Variants in PLCG2 observed in about 807,000 individuals in gnomAD.
PLCG2 encodes the protein 1-phosphatidylinositol 4,5-bisphosphate phosphodiesterase gamma-2.
Under a neutral mutation model 175.6 loss-of-function variants are expected in PLCG2, and 69 were observed. That is an observed-to-expected ratio of 0.39 (90% CI 0.32 to 0.48). The LOEUF is 0.48. PLCG2 is among the 20% of genes least tolerant of loss of function. The pLI, the probability that PLCG2 is intolerant of heterozygous loss-of-function variation, is 0.91. For synonymous variants in PLCG2, 827 were observed against 624.0 expected (o/e 1.33, Z -4.85); for missense variants, 1,798 against 1,650.9 (o/e 1.09, Z -1.54).
intron 2 of PLCG2, among the ~76,000 whole-genome samples, chr16:81,789,101 C>T (rs977876032): frequency 3.3e-5 from 5 of 152,132 alleles, no homozygotes; most frequent in South Asian, 2.1e-4. Flanking sequence ...ATGCTCTTCA[C>T]ATGTATCCCG....
At chr16:81,883,426 A>G (rs533643036) in intron 9 of PLCG2, 85 bp downstream of exon 9, 1 of 1,081,302 alleles carries the variant, frequency 9.2e-7, no homozygotes, top group African/African-American at 1.5e-5. Flanking sequence ...GCCTGTGCTC[A>G]CCTGGTCACC....
chr16:81,859,009 C>T, intron 4 of PLCG2, 107 bp from the exon 5 acceptor site: 1 of 666,138 alleles, frequency 1.5e-6, no homozygotes. Context: ...AAGACTCCTC[C>T]TTTTGGTTCC....
At chr16:81,885,744 T>C (rs570678850) in intron 9 of PLCG2, among the ~76,000 whole-genome samples, 13 of 152,298 alleles carry the variant, frequency 8.5e-5, no homozygotes, top group South Asian at 2.1e-4. Flanking sequence ...GAGAAACTTA[T>C]GAGTAGAGAA....
In PLCG2 at chr16:81,854,731, C is replaced by A. The variant is rs1171421693; in HGVS notation, c.337+144C>A. 1.4e-5 allele frequency: 10 copies of A among 738,378 alleles called. No homozygotes were observed. The East Asian group carries it at 1.5e-4, about 11-fold the overall frequency. The allele number at this position is 738,378 out of a possible 1,614,324, so 45.7% of individuals were successfully genotyped here. A position where few individuals can be genotyped will look rare whatever the true frequency, so the allele number is the denominator to read the frequency against. On this transcript the variant is annotated intron_variant, in intron 3 of 32. Transcript: ENST00000564138. ...TTTTGAATCCCAGCCCTGCCCCTTT[C>A]TAGCTGTGTGTCTTTAGGTGAGTGA...
In PLCG2 at chr16:81,960,089, C is replaced by G. The variant is rs1427265879; in HGVS notation, c.*2091C>G. 1 of 219,276 alleles carries G rather than the reference C, an allele frequency of 4.6e-6. No individual in the cohort carries two copies. Among genetic ancestry groups the G allele is most frequent in the East Asian group, 6.7e-5 (1 of 14,970 alleles). The allele number at this position is 219,276 out of a possible 1,614,324, so 13.6% of individuals were successfully genotyped here. ...TGACATAAATGGTGCTGGGAAGAACCCTCTGCCTAAAACTGTCTCCTTCTC... is the reference window on the plus strand; with the variant it reads ...TGACATAAATGGTGCTGGGAAGAACGCTCTGCCTAAAACTGTCTCCTTCTC... On this transcript the variant is annotated 3_prime_UTR_variant, in exon 33 of 33. Transcript: ENST00000564138.
At chr16:81,862,641 G>A (rs1014620010) in intron 5 of PLCG2, among the ~76,000 whole-genome samples, 2 of 152,150 alleles carry the variant, frequency 1.3e-5, no homozygotes, top group African/African-American at 2.4e-5. Context: ...AGGCCAAGGC[G>A]GGTGGATCGC....
Position 81,854,565 on chromosome 16 carries a change from C to A in PLCG2, c.315C>A (p.Val105=). 6.2e-7 allele frequency: 1 copy of A among 1,614,038 alleles called. No homozygotes were observed. The highest frequency in any genetic ancestry group is 2.2e-5 in the East Asian group (1 of 44,886). The change falls in exon 3 of 33, where the codon GTC becomes GTA. Residue 105 remains valine (V), a synonymous_variant. Coordinates refer to ENST00000564138, the MANE Select transcript of PLCG2 (RefSeq NM_002661.5). ...CFTILYGTQF[V]LSTLSLAADS... ...CCATCCTATATGGCACTCAGTTCGT[C>A]CTCAGCACGCTCAGCTTGGCAGGTA... is the stretch of plus-strand genomic sequence containing the variant.
chr16:81,946,702 A>G (rs903945973), intron 31 of PLCG2, among the ~76,000 whole-genome samples: 30 of 152,320 alleles, frequency 2.0e-4, no homozygotes, highest in African/African-American at 5.5e-4. Flanking sequence ...ATTTAGATGG[A>G]ATCCATTTAC....
intron 2 of PLCG2, among the ~76,000 whole-genome samples, chr16:81,820,108 T>C (rs1456060031): frequency 6.6e-6 from 1 of 152,264 alleles, no homozygotes; most frequent in Non-Finnish European, 1.5e-5. Flanking sequence ...TAATGGAAGT[T>C]GTGCTTCATA....
intron 9 of PLCG2, among the ~76,000 whole-genome samples, chr16:81,884,979 C>T (rs527894106): frequency 8.5e-5 from 13 of 152,134 alleles, no homozygotes; most frequent in African/African-American, 2.9e-4. Flanking sequence ...CCTCGACCTC[C>T]TGGGCTCAAC....
intron 1 of PLCG2, among the ~76,000 whole-genome samples, chr16:81,743,491 G>A (rs936912760): frequency 6.6e-6 from 1 of 152,244 alleles, no homozygotes; most frequent in Non-Finnish European, 1.5e-5. Context: ...GAGGCTGGAA[G>A]GAGTGAGGGA....
In PLCG2 at chr16:81,912,575, T is replaced by C. The variant is rs201409875; in HGVS notation, c.1935-22T>C. On this transcript the variant is annotated intron_variant, in intron 18 of 32. Transcript: ENST00000564138. ...GCCTGGAGACCGCTCACCTGGTCGT[T>C]TTCCCTGGCCCTGTGCCGCAGGTGG... is the stretch of plus-strand genomic sequence containing the variant. The C allele has an allele frequency of 1.6e-4, 264 of 1,607,962 alleles. 2 individuals are homozygous for C. The Admixed American group carries it at 4.3e-3, about 26-fold the overall frequency.
intron 2 of PLCG2, among the ~76,000 whole-genome samples, chr16:81,825,478 A>G (rs1241275043): frequency 6.6e-6 from 1 of 151,890 alleles, no homozygotes; most frequent in Non-Finnish European, 1.5e-5. Context: ...TATTTTTAGT[A>G]GAGACAGGGT....
intron 10 of PLCG2, among the ~76,000 whole-genome samples, chr16:81,890,172 C>A (rs138940490): frequency 1.1e-3 from 170 of 152,284 alleles, no homozygotes; most frequent in African/African-American, 3.8e-3. Context: ...GTAGGAGTAA[C>A]TGAGGAAGTT....
chr16:81,905,777 A>C (rs764808694), intron 15 of PLCG2, among the ~76,000 whole-genome samples: 3 of 151,720 alleles, frequency 2.0e-5, no homozygotes, highest in African/African-American at 7.3e-5. Flanking sequence ...TCCCACCTCA[A>C]CCTCCCTGAG....
At position 81,923,608 on chromosome 16, in the gene PLCG2, G is replaced by C; in HGVS notation, c.2417+14G>C. The C allele has an allele frequency of 1.3e-6, 2 of 1,517,386 alleles. No individual in the cohort carries two copies. The highest frequency in any genetic ancestry group is 1.8e-6 in the Non-Finnish European group (2 of 1,093,104). The allele number at this position is 1,517,386 out of a possible 1,614,324, so 94.0% of individuals were successfully genotyped here. A position where few individuals can be genotyped will look rare whatever the true frequency, so the allele number is the denominator to read the frequency against. The stretch of plus-strand genomic sequence containing the variant: ...GCCCGGGGGCTGGTAAGGCTGAGTG[G>C]AGGCTGGGCTGCTCGGCAGGTGGGC... On this transcript the variant is annotated intron_variant, in intron 22 of 32. Transcript: ENST00000564138.
At chr16:81,808,027 C>T (rs926111059) in intron 2 of PLCG2, among the ~76,000 whole-genome samples, 1 of 152,222 alleles carries the variant, frequency 6.6e-6, no homozygotes, top group Non-Finnish European at 1.5e-5. Context: ...CATGAGACTG[C>T]TGCGGAGACA....
At chr16:81,805,766 TGTTTTTTTTTTTTTTTG>T (rs1911982173) in intron 2 of PLCG2, among the ~76,000 whole-genome samples, 1 of 81,582 alleles carries the variant, frequency 1.2e-5, no homozygotes, top group Non-Finnish European at 2.7e-5. Context: ...TGTTTTGTTT[TGTTTTTTTTTTTTTTTG>T]TTTTTTTTTT....
At chr16:81,854,257 G>T (rs1287934621) in intron 2 of PLCG2, among the ~76,000 whole-genome samples, 187 bp from the exon 3 acceptor site, 3 of 152,152 alleles carry the variant, frequency 2.0e-5, no homozygotes, top group African/African-American at 7.2e-5. Flanking sequence ...GCAAATGCCC[G>T]GGTAGGGTCT....
Sources: allele counts gnomAD v4.1 joint callset (sites outside exome capture counted in the v4.1 genomes callset), GRCh38; gene constraint gnomAD v4.1.1; transcripts MANE v1.5; gene names NCBI Gene and HGNC (gene_info 2026-07-23, HGNC 2026-07-21).